Variants in VPS8 observed in about 807,000 individuals in gnomAD.
VPS8 encodes vacuolar protein sorting-associated protein 8 homolog.
Under a neutral mutation model 216.4 loss-of-function variants are expected in VPS8, and 129 were observed. That is an observed-to-expected ratio of 0.60 (90% CI 0.52 to 0.69). The LOEUF (loss-of-function observed/expected upper bound fraction) is 0.69, where lower values mean the gene tolerates loss of function less well. Ranked by LOEUF, VPS8 falls within the 30% of genes least tolerant of loss-of-function variation. The pLI, the probability that VPS8 is intolerant of heterozygous loss-of-function variation, is 0.00. For synonymous variants in VPS8, 571 were observed against 565.4 expected, an observed-to-expected ratio of 1.01 and a Z score of -0.14; for missense variants, 1,531 against 1,683.5, an observed-to-expected ratio of 0.91 and a Z score of 1.59.
chr3:184,847,043 G>A (rs1409254691), intron 8 of VPS8, among the ~76,000 whole-genome samples: 2 of 152,126 alleles, frequency 1.3e-5, no homozygotes, highest in African/African-American at 4.8e-5. Flanking sequence ...AGAATGTATT[G>A]AAAAATATCT....
intron 47 of VPS8, 101 bp downstream of exon 47, chr3:185,048,660 T>G: frequency 7.5e-7 from 1 of 1,329,228 alleles, no homozygotes; most frequent in Non-Finnish European, 1.0e-6. Flanking sequence ...CCTTCTAGCC[T>G]GGAAGGTGCC....
intron 8 of VPS8, among the ~76,000 whole-genome samples, chr3:184,847,915 T>G (rs1201939199): frequency 2.6e-5 from 4 of 152,148 alleles, no homozygotes; most frequent in Non-Finnish European, 5.9e-5. Flanking sequence ...TTTTGTTTGT[T>G]TGTTTGTTTG....
intron 25 of VPS8, among the ~76,000 whole-genome samples, chr3:184,902,105 T>C (rs1734594187): frequency 6.6e-6 from 1 of 150,800 alleles, no homozygotes; most frequent in Non-Finnish European, 1.5e-5. Context: ...ATTGTTTAAA[T>C]ATTTAGCCCC....
chr3:184,915,379 C>T lies in VPS8; in HGVS notation c.2287C>T (p.His763Tyr). 6.2e-7 allele frequency: 1 copy of T among 1,613,560 alleles called. No individual in the cohort carries two copies. Residue 763 changes from histidine to tyrosine, a missense_variant, in exon 28 of 48, where the codon CAT becomes TAT. By Grantham distance (83) the His-to-Tyr change is moderately conservative. Around this residue, in one of 3 missense-constraint regions of VPS8, gnomAD observed 1,318 missense variants for 1,468.4 expected, o/e 0.90. Transcript: ENST00000625842. The part of the protein sequence containing the change: ...NQVFEFLIRL[H>Y]SAEASPEEEI... Reference sequence around the variant, plus strand: ...GGTTTTTGAATTTCTAATTCGCCTGCATTCAGCAGAGGCTTCTCCTGAGGA... The same window carrying T: ...GGTTTTTGAATTTCTAATTCGCCTGTATTCAGCAGAGGCTTCTCCTGAGGA...
At chr3:184,960,556 T>G (rs1303461434) in intron 37 of VPS8, among the ~76,000 whole-genome samples, 1 of 152,204 alleles carries the variant, frequency 6.6e-6, no homozygotes, top group African/African-American at 2.4e-5. Context: ...AATAACACTA[T>G]ATACAAATTC....
chr3:184,893,296 A>G (rs1254529167), intron 22 of VPS8: 1 of 1,288,000 alleles, frequency 7.8e-7, no homozygotes, highest in Admixed American at 2.3e-5. Flanking sequence ...GTTTTTGTGG[A>G]ACTTGTCATG....
intron 30 of VPS8, among the ~76,000 whole-genome samples, chr3:184,925,469 A>G (rs1439938045): frequency 1.3e-5 from 2 of 152,220 alleles, no homozygotes; most frequent in African/African-American, 4.8e-5. Context: ...AATGGCAGAC[A>G]TTGTTCCAAA....
chr3:185,020,346 A>T, intron 45 of VPS8, among the ~76,000 whole-genome samples: 1 of 152,098 alleles, frequency 6.6e-6, no homozygotes, highest in Admixed American at 6.5e-5. Flanking sequence ...GTGATTCCAA[A>T]TTTTAATAGC....
Position 184,936,317 on chromosome 3 carries a change from G to C in VPS8, c.2970G>C (p.Thr990=). Residue 990 remains threonine (T), a synonymous_variant, in exon 35 of 48, where the codon ACG becomes ACC. Transcript: ENST00000625842. ...VATHFSGHIE[T]VIKKLQNQVL... ...CCCACTTTTCTGGACATATTGAAAC[G>C]GTCATTAAAAAACTTCAGGTACATA... is the stretch of plus-strand genomic sequence containing the variant. 5 of 1,610,490 alleles carry C rather than the reference G, an allele frequency of 3.1e-6. No individual in the cohort carries two copies. The highest frequency in any genetic ancestry group is 4.2e-6 in the Non-Finnish European group (5 of 1,178,368).
At chr3:184,825,644 G>GTGATTCCAGCACTT in intron 2 of VPS8, among the ~76,000 whole-genome samples, 1 of 152,236 alleles carries the variant, frequency 6.6e-6, no homozygotes, top group East Asian at 1.9e-4. Flanking sequence ...GCTCACGCCT[G>GTGATTCCAGCACTT]TGATTCCAGC....
At chr3:184,940,485 G>A (rs766047438) in intron 36 of VPS8, among the ~76,000 whole-genome samples, 1 of 152,012 alleles carries the variant, frequency 6.6e-6, no homozygotes, top group Non-Finnish European at 1.5e-5. Flanking sequence ...GTTCTCATGG[G>A]TGTAAATAAA....
intron 46 of VPS8, among the ~76,000 whole-genome samples, chr3:185,042,494 A>G (rs1360038312): frequency 6.6e-6 from 1 of 152,232 alleles, no homozygotes; most frequent in Admixed American, 6.5e-5. Context: ...GAAGGGGGTC[A>G]GTCTCACTGT....
intron 18 of VPS8, 49 bp downstream of exon 18, chr3:184,868,108 C>T: frequency 6.3e-7 from 1 of 1,580,044 alleles, no homozygotes; most frequent in Non-Finnish European, 8.7e-7. Flanking sequence ...TTGGTAGCTT[C>T]TTAACATTTC....
Position 184,982,546 on chromosome 3 carries a change from G to C in VPS8, c.3421-20G>C. The stretch of plus-strand genomic sequence containing the variant: ...TCTTTGACCACTTTTCTTTTTCTTT[G>C]ATTTTCTCTGACATTATAGGCACTT... On this transcript the variant is annotated intron_variant, in intron 40 of 47. Coordinates refer to ENST00000625842, the MANE Select transcript of VPS8 (RefSeq NM_001009921.3). The C allele has an allele frequency of 6.3e-7, 1 of 1,576,422 alleles. No homozygotes were observed. Among genetic ancestry groups the C allele is most frequent in the Non-Finnish European group, 8.6e-7 (1 of 1,158,294 alleles).
At chr3:184,962,294 A>G (rs938183504) in intron 37 of VPS8, among the ~76,000 whole-genome samples, 2 of 152,126 alleles carry the variant, frequency 1.3e-5, no homozygotes, top group African/African-American at 2.4e-5. Flanking sequence ...TGCAAATGGA[A>G]TTGTTTAGAC....
chr3:185,001,671 T>A (rs919283053), intron 45 of VPS8, among the ~76,000 whole-genome samples: 1 of 152,116 alleles, frequency 6.6e-6, no homozygotes, highest in Non-Finnish European at 1.5e-5. Flanking sequence ...CTCCAGCCCC[T>A]CTCCCCTCTG....
intron 46 of VPS8, among the ~76,000 whole-genome samples, chr3:185,041,715 G>A (rs924899862): frequency 2.0e-5 from 3 of 152,162 alleles, no homozygotes; most frequent in Admixed American, 6.5e-5. Flanking sequence ...ATTATCACCC[G>A]TTTGTAAAGG....
chr3:184,901,587 A>G (rs996303795), intron 25 of VPS8, among the ~76,000 whole-genome samples: 1 of 152,016 alleles, frequency 6.6e-6, no homozygotes, highest in African/African-American at 2.4e-5. Flanking sequence ...TAGAGATCCT[A>G]TATAGTCTTT....
At chr3:185,016,442 C>T (rs1427643358) in intron 45 of VPS8, among the ~76,000 whole-genome samples, 1 of 152,152 alleles carries the variant, frequency 6.6e-6, no homozygotes, top group African/African-American at 2.4e-5. Flanking sequence ...AATTGCTTGT[C>T]CTACATACGT....
Sources: allele counts gnomAD v4.1 joint callset (sites outside exome capture counted in the v4.1 genomes callset), GRCh38; gene constraint gnomAD v4.1.1; regional missense constraint gnomAD v4.1.1; transcripts MANE v1.5; gene names NCBI Gene and HGNC (gene_info 2026-07-23, HGNC 2026-07-21).